The following CTNNA2 variants were observed in gnomAD, a reference collection of about 807,000 sequenced individuals.
CTNNA2 encodes the protein catenin alpha 2, also known as catenin alpha-2.
In CTNNA2, 42 loss-of-function variants were observed where a neutral mutation model predicts 101.0. The ratio of observed to expected loss-of-function variants is 0.42; its 90% CI spans 0.32 to 0.54. The LOEUF (loss-of-function observed/expected upper bound fraction) is 0.54, where lower values mean the gene tolerates loss of function less well. Among genes scored for constraint, CTNNA2 ranks in the 20% least tolerant of loss-of-function variants. CTNNA2 has a pLI of 0.14. For synonymous variants in CTNNA2, 450 were observed against 456.4 expected, an observed-to-expected ratio of 0.99 and a Z score of 0.18; for missense variants, 871 against 1,223.1, an observed-to-expected ratio of 0.71 and a Z score of 4.29.
chr2:79,749,291 G>A (rs960315402), intron 3 of CTNNA2, among the ~76,000 whole-genome samples: 4 of 152,054 alleles, frequency 2.6e-5, no homozygotes, highest in African/African-American at 4.8e-5. Context: ...CGGAGTATGC[G>A]TAAGTTTTTG....
chr2:79,597,150 A>C (rs2104034797), intron 1 of CTNNA2, among the ~76,000 whole-genome samples: 1 of 152,270 alleles, frequency 6.6e-6, no homozygotes, highest in South Asian at 2.1e-4. Flanking sequence ...CAACTGAAAC[A>C]TTCTCTGTTT....
chr2:80,365,656 T>A (rs1013414664), intron 7 of CTNNA2, among the ~76,000 whole-genome samples: 2 of 151,762 alleles, frequency 1.3e-5, no homozygotes, highest in African/African-American at 2.4e-5. Flanking sequence ...TAGACACTTT[T>A]AAAAAAAAGA....
At chr2:80,516,251 G>GT (rs2149563136) in intron 9 of CTNNA2, among the ~76,000 whole-genome samples, 1 of 152,224 alleles carries the variant, frequency 6.6e-6, no homozygotes, top group Non-Finnish European at 1.5e-5. Flanking sequence ...GCAACATTGG[G>GT]TTTTTTTCTC....
At chr2:80,393,321 A>G (rs1559072129) in intron 8 of CTNNA2, 30 bp downstream of exon 8, 7 of 1,499,418 alleles carry the variant, frequency 4.7e-6, no homozygotes, top group African/African-American at 4.2e-5. Context: ...CTTTAAGTCC[A>G]TGATATTCAG....
At chr2:80,199,813 A>C (rs1409364350) in intron 7 of CTNNA2, among the ~76,000 whole-genome samples, 1 of 152,228 alleles carries the variant, frequency 6.6e-6, no homozygotes, top group Non-Finnish European at 1.5e-5. Flanking sequence ...CAGGTATGTC[A>C]TCATAAAGAA....
chr2:80,526,877 C>T (rs1690085859), intron 9 of CTNNA2, among the ~76,000 whole-genome samples: 1 of 152,190 alleles, frequency 6.6e-6, no homozygotes, highest in African/African-American at 2.4e-5. Flanking sequence ...TGAATGCAAA[C>T]TTCTCTAAGA....
intron 5 of CTNNA2, among the ~76,000 whole-genome samples, chr2:79,508,002 A>G (rs1671450584): frequency 6.6e-6 from 1 of 152,212 alleles, no homozygotes; most frequent in South Asian, 2.1e-4. Flanking sequence ...TTGTTTGTGC[A>G]GTATACTTAC....
At chr2:80,208,883 C>T (rs778850766) in intron 7 of CTNNA2, among the ~76,000 whole-genome samples, 5 of 152,122 alleles carry the variant, frequency 3.3e-5, no homozygotes, top group Non-Finnish European at 7.4e-5. Context: ...TACCTAGGAG[C>T]ATTTACACTG....
At chr2:80,204,773 ATTAG>A (rs753255090) in intron 7 of CTNNA2, among the ~76,000 whole-genome samples, 2 of 151,238 alleles carry the variant, frequency 1.3e-5, no homozygotes, top group Admixed American at 6.6e-5. Flanking sequence ...AATTTACTGT[ATTAG>A]TTCATTTTCA....
At chr2:80,606,834 A>C (rs956689073) in intron 16 of CTNNA2, among the ~76,000 whole-genome samples, 5 of 151,864 alleles carry the variant, frequency 3.3e-5, no homozygotes, top group Non-Finnish European at 7.4e-5. Flanking sequence ...TAGAACTTTC[A>C]GTTTAATTTG....
At chr2:79,362,514 C>A (rs1330050616) in intron 3 of CTNNA2, among the ~76,000 whole-genome samples, 2 of 152,072 alleles carry the variant, frequency 1.3e-5, no homozygotes, top group Non-Finnish European at 2.9e-5. Flanking sequence ...TTGTGGAATT[C>A]TAGATTCATC....
At chr2:79,351,965 T>C (rs1359602265) in intron 3 of CTNNA2, among the ~76,000 whole-genome samples, 1 of 152,182 alleles carries the variant, frequency 6.6e-6, no homozygotes, top group East Asian at 1.9e-4. Context: ...AGTCAAATGG[T>C]AGTTCAACTC....
At chr2:79,509,270 T>C (rs1671484302), upstream of CTNNA2, among the ~76,000 whole-genome samples, 1 of 151,862 alleles carries the variant, frequency 6.6e-6, no homozygotes, top group Non-Finnish European at 1.5e-5. Flanking sequence ...ATAATAAATA[T>C]AGTGACAGGG....
At chr2:80,131,493 C>T (rs1274585272) in intron 7 of CTNNA2, among the ~76,000 whole-genome samples, 4 of 152,278 alleles carry the variant, frequency 2.6e-5, no homozygotes, top group Non-Finnish European at 4.4e-5. Flanking sequence ...GTATAAAATT[C>T]TATCTATTTC....
At chr2:79,444,897 T>C (rs1431619159) in intron 4 of CTNNA2, among the ~76,000 whole-genome samples, 1 of 152,204 alleles carries the variant, frequency 6.6e-6, no homozygotes, top group Non-Finnish European at 1.5e-5. Context: ...AAGAAATTAC[T>C]CCTTCCTCAG....
At chr2:79,557,397 AG>A (rs1345589063) in intron 1 of CTNNA2, among the ~76,000 whole-genome samples, 5 of 151,922 alleles carry the variant, frequency 3.3e-5, no homozygotes, top group African/African-American at 7.2e-5. Flanking sequence ...TATCCACAAG[AG>A]ACATCTTGGA....
At chr2:79,855,547 A>G (rs555227780) in intron 3 of CTNNA2, among the ~76,000 whole-genome samples, 129 of 152,274 alleles carry the variant, frequency 8.5e-4, no homozygotes, top group Non-Finnish European at 1.5e-3. Flanking sequence ...ACTTGAAAAT[A>G]TATTGGATTA....
chr2:79,447,334 T>A (rs1122268), intron 4 of CTNNA2, among the ~76,000 whole-genome samples: 45,774 of 151,568 alleles, frequency 0.3, 7,123 homozygotes, highest in South Asian at 0.44. Context: ...TATAAAAAAA[T>A]TTTTTTCCAG....
chr2:80,323,478 A>G (rs527763362), intron 7 of CTNNA2, among the ~76,000 whole-genome samples: 1 of 151,494 alleles, frequency 6.6e-6, no homozygotes, highest in South Asian at 2.1e-4. Context: ...CCCTCCCCCA[A>G]CGTTTTAAGC....
Sources: allele counts gnomAD v4.1 joint callset (sites outside exome capture counted in the v4.1 genomes callset), GRCh38; gene constraint gnomAD v4.1.1; transcripts MANE v1.5; gene names NCBI Gene and HGNC (gene_info 2026-07-23, HGNC 2026-07-21).